PLOD1: variants seen among roughly 807,000 people sequenced by gnomAD.
PLOD1 encodes lysine hydroxylase.
PLOD1 carries 70 observed loss-of-function variants against 94.7 expected under a neutral mutation model. The observed-to-expected ratio is 0.74, with a 90% CI of 0.61 to 0.90. The LOEUF is 0.90. PLOD1 is among the 40% of genes least tolerant of loss of function. The pLI, the probability that PLOD1 is intolerant of heterozygous loss-of-function variation, is 0.00. For synonymous variants in PLOD1, 417 were observed against 400.2 expected, an observed-to-expected ratio of 1.04 and a Z score of -0.50; for missense variants, 905 against 972.7, an observed-to-expected ratio of 0.93 and a Z score of 0.93.
intron 10 of PLOD1, among the ~76,000 whole-genome samples, chr1:11,962,274 CTTTT>C (rs780613164): frequency 4.0e-5 from 4 of 99,076 alleles, no homozygotes; most frequent in Non-Finnish European, 5.6e-5. Flanking sequence ...TTTTTGTTTT[CTTTT>C]TTTTTTTTTT....
Position 11,958,364 on chromosome 1 carries a change from C to A in PLOD1, c.844-152C>A. ...CCTGCTGCTTCCCTGCCCCCCCGTACCCCCTGACTGGAGTTCCCCGGCCCG... is the reference window on the plus strand; with the variant it reads ...CCTGCTGCTTCCCTGCCCCCCCGTAACCCCTGACTGGAGTTCCCCGGCCCG... On this transcript the variant is annotated intron_variant, in intron 8 of 18. Coordinates refer to ENST00000196061, the MANE Select transcript of PLOD1 (RefSeq NM_000302.4). The surrounding 1 kb of genome is among the most constrained non-coding windows in gnomAD (Gnocchi z 4.3). 1 of 832,242 alleles carries A rather than the reference C, an allele frequency of 1.2e-6. No individual in the cohort carries two copies. Among genetic ancestry groups the A allele is most frequent in the South Asian group, 1.4e-5 (1 of 69,048 alleles). The allele number at this position is 832,242 out of a possible 1,614,324, so 51.6% of individuals were successfully genotyped here.
chr1:11,966,329 G>A lies in PLOD1; in HGVS notation c.1650+13G>A. On this transcript the variant is annotated intron_variant, in intron 15 of 18. Transcript: ENST00000196061. The stretch of plus-strand genomic sequence containing the variant: ...GCTGGTGGAGACGGTAAGGGCCATG[G>A]ACACCCTCTTGGACCAGCCTTGCCT... 1 of 1,595,466 alleles carries A rather than the reference G, an allele frequency of 6.3e-7. No individual in the cohort carries two copies. The highest frequency in any genetic ancestry group is 2.3e-5 in the East Asian group (1 of 44,162).
rs927141137 is a variant in PLOD1 at position 11,956,780 on chromosome 1, CTG to C, written c.644-136_644-135del. On this transcript the variant is annotated intron_variant, in intron 6 of 18. Transcript: ENST00000196061. ...TATTCCTATTTTATAGATGAGGAAA[CTG>C]AGGCTTAGAGAGAAGTGACTTGCCC... 4 of 728,682 alleles carry C rather than the reference CTG, an allele frequency of 5.5e-6. No individual in the cohort carries two copies. In the African/African-American group the frequency reaches 6.9e-5, roughly 13 times the overall value. 45.1% of individuals were successfully genotyped at this position (728,682 alleles called of 1,614,324 possible). A position where few individuals can be genotyped will look rare whatever the true frequency, so the allele number is the denominator to read the frequency against.
Position 11,963,792 on chromosome 1 carries a change from G to C in PLOD1, c.1202+156G>C, listed in dbSNP as rs371094317. On this transcript the variant is annotated intron_variant, in intron 11 of 18. Transcript: ENST00000196061. This position sits in a 1 kb window ranked among gnomAD's most constrained non-coding sequence, Gnocchi z 4.3. ...CTTTCTCCTCCTCGTCTTCCTCCTT[G>C]TCTTCCTCCTCCTCTTCCTCTTCCT... Among the ~76,000 whole-genome samples, 1 of 149,902 alleles carries C rather than the reference G, an allele frequency of 6.7e-6. No individual in the cohort carries two copies. The highest frequency in any genetic ancestry group is 1.5e-5 in the Non-Finnish European group (1 of 67,452).
Position 11,963,701 on chromosome 1 carries a change from CCTT to C in PLOD1, c.1202+66_1202+68del. The C allele has an allele frequency of 1.0e-6, 1 of 970,778 alleles. No homozygotes were observed. Among genetic ancestry groups the C allele is most frequent in the Admixed American group, 2.0e-5 (1 of 50,476 alleles). 60.1% of individuals were successfully genotyped at this position (970,778 alleles called of 1,614,324 possible). A position where few individuals can be genotyped will look rare whatever the true frequency, so the allele number is the denominator to read the frequency against. On this transcript the variant is annotated intron_variant, in intron 11 of 18. Coordinates refer to ENST00000196061, the MANE Select transcript of PLOD1 (RefSeq NM_000302.4). The surrounding 1 kb of genome is among the most constrained non-coding windows in gnomAD (Gnocchi z 4.3). ...GGCCTGGTCCTGGGGTGGCAGCCCT[CCTT>C]GCCTTCCTCCTCCTCCTCCTCATCC...
chr1:11,938,297 G>A (rs1304634283), intron 1 of PLOD1, among the ~76,000 whole-genome samples: 6 of 152,166 alleles, frequency 3.9e-5, no homozygotes, highest in African/African-American at 1.2e-4. Context: ...TTTTGGAGAT[G>A]GGAAGACTGA....
At chr1:11,964,921 C>T (rs771174148) in intron 13 of PLOD1, 136 bp downstream of exon 13, 100 of 955,752 alleles carry the variant, frequency 1.0e-4, no homozygotes, top group Non-Finnish European at 1.4e-4. Context: ...CAGGGCATCT[C>T]GGAAGCCACC....
intron 6 of PLOD1, among the ~76,000 whole-genome samples, chr1:11,955,542 A>T (rs901714580): frequency 2.6e-5 from 4 of 152,196 alleles, no homozygotes; most frequent in Admixed American, 6.5e-5. Context: ...AGAAACGCAG[A>T]AAATGCCCTT....
At chr1:11,951,394 C>T (rs1645699497) in intron 4 of PLOD1, among the ~76,000 whole-genome samples, 2 of 151,038 alleles carry the variant, frequency 1.3e-5, no homozygotes, top group Admixed American at 6.6e-5. Flanking sequence ...GGCGAAACCC[C>T]ATCTCTACTA....
intron 1 of PLOD1, among the ~76,000 whole-genome samples, 185 bp from the exon 2 acceptor site, chr1:11,947,791 G>A (rs770922908): frequency 7.9e-5 from 12 of 152,200 alleles, no homozygotes; most frequent in Admixed American, 2.6e-4. Flanking sequence ...GAGCCCTGGA[G>A]GAGACTCAGG....
intron 10 of PLOD1, among the ~76,000 whole-genome samples, chr1:11,961,333 A>G (rs1426251502): frequency 6.6e-6 from 1 of 152,186 alleles, no homozygotes; most frequent in East Asian, 1.9e-4. Flanking sequence ...TGCATGAGCT[A>G]TGATTGCACC....
chr1:11,965,499 C>T lies in PLOD1; in HGVS notation c.1490C>T (p.Thr497Ile). 1 of 1,612,898 alleles carries T rather than the reference C, an allele frequency of 6.2e-7. No individual in the cohort carries two copies. Among genetic ancestry groups the T allele is most frequent in the East Asian group, 2.2e-5 (1 of 44,880 alleles). The change falls in exon 14 of 19, where the codon ACC becomes ATC. Residue 497 changes from threonine to isoleucine, a missense_variant. Thr to Ile is a moderately conservative substitution (Grantham distance 89, BLOSUM62 -1). Coordinates refer to ENST00000196061, the MANE Select transcript of PLOD1 (RefSeq NM_000302.4). ...CCCCAGGATGTGTTCATGTTCCTGA[C>T]CAACCGGCACACCCTTGGCCATCTG... ...IRQQDVFMFL[T>I]NRHTLGHLLS...
At position 11,972,932 on chromosome 1, in the gene PLOD1, CCA is replaced by C. The variant is rs1258023149; in HGVS notation, c.1967_1968del (p.His656ProfsTer2). On this transcript the variant is annotated frameshift_variant, in exon 18 of 19. Transcript: ENST00000196061. LOFTEE classifies it high-confidence loss of function. The surrounding 1 kb of genome is among the most constrained non-coding windows in gnomAD (Gnocchi z 4.6). ...GCCTGATGAGCAGCCCTCACTGATG[CCA>C]CACCATGATGCCTCCACCTTCACCA... The part of the protein sequence containing the change: ...YKPDEQPSLM[P>X]HHDASTFTIN... 6.2e-7 allele frequency: 1 copy of C among 1,613,912 alleles called. No individual in the cohort carries two copies. Among genetic ancestry groups the C allele is most frequent in the Non-Finnish European group, 8.5e-7 (1 of 1,179,926 alleles).
intron 1 of PLOD1, among the ~76,000 whole-genome samples, chr1:11,936,449 A>G (rs1284137598): frequency 6.6e-6 from 1 of 151,606 alleles, no homozygotes; most frequent in Non-Finnish European, 1.5e-5. Context: ...CTCCTGGAGA[A>G]CCTGAAACTG....
chr1:11,962,017 G>A (rs891600674), intron 10 of PLOD1, among the ~76,000 whole-genome samples: 2 of 152,104 alleles, frequency 1.3e-5, no homozygotes, highest in African/African-American at 2.4e-5. Flanking sequence ...TCAAGCTCCC[G>A]AACTCAAGTG....
Position 11,964,801 on chromosome 1 carries a change from G to T in PLOD1, c.1470+16G>T. ...CCGGCAGCAGGTCAGCCAGGAGCGG[G>T]CAGCACAGGACGCCCTCTGGATGGG... is the stretch of plus-strand genomic sequence containing the variant. On this transcript the variant is annotated intron_variant, in intron 13 of 18. Transcript: ENST00000196061. 1 of 1,613,296 alleles carries T rather than the reference G, an allele frequency of 6.2e-7. No homozygotes were observed. Among genetic ancestry groups the T allele is most frequent in the Non-Finnish European group, 8.5e-7 (1 of 1,179,982 alleles).
At chr1:11,934,929 A>G in intron 1 of PLOD1, 74 bp downstream of exon 1, 1 of 1,495,440 alleles carries the variant, frequency 6.7e-7, no homozygotes, top group East Asian at 2.7e-5. Context: ...CTCCCTGGGA[A>G]CGACCTGAAT....
intron 1 of PLOD1, among the ~76,000 whole-genome samples, chr1:11,941,566 T>C (rs1447839706): frequency 6.6e-6 from 1 of 152,072 alleles, no homozygotes; most frequent in Non-Finnish European, 1.5e-5. Context: ...TTGCAACCTC[T>C]GCCTCCTGGG....
At position 11,957,303 on chromosome 1, in the gene PLOD1, C is replaced by T; in HGVS notation, c.741+289C>T. ...AGCCATCTGCACTGTCACCCCAGGG[C>T]AGAGTCACTTATTCACTCAGTAAAC... On this transcript the variant is annotated intron_variant, in intron 7 of 18. Coordinates refer to ENST00000196061, the MANE Select transcript of PLOD1 (RefSeq NM_000302.4). This position sits in a 1 kb window ranked among gnomAD's most constrained non-coding sequence, Gnocchi z 4.1. 1.6e-6 allele frequency: 1 copy of T among 631,290 alleles called. No homozygotes were observed. Among genetic ancestry groups the T allele is most frequent in the Non-Finnish European group, 3.0e-6 (1 of 332,584 alleles). The allele number at this position is 631,290 out of a possible 1,614,324, so 39.1% of individuals were successfully genotyped here. A position where few individuals can be genotyped will look rare whatever the true frequency, so the allele number is the denominator to read the frequency against.
Sources: gnomAD v4.1 joint callset for allele counts (sites outside exome capture counted in the v4.1 genomes callset) on GRCh38, gnomAD v4.1.1 for gene constraint, Gnocchi (gnomAD v3.1) non-coding constraint, MANE v1.5 for transcripts, NCBI Gene and HGNC (gene_info 2026-07-23, HGNC 2026-07-21) for gene names.